NCALD: variants seen among roughly 807,000 people sequenced by gnomAD.
The protein encoded by NCALD is neurocalcin-delta.
Under a neutral mutation model 18.6 loss-of-function variants are expected in NCALD, and 10 were observed. The observed-to-expected ratio is 0.54, with a 90% CI of 0.33 to 0.91. The LOEUF (loss-of-function observed/expected upper bound fraction) is 0.91. NCALD is among the 40% of genes least tolerant of loss of function. NCALD has a pLI of 0.03. For missense variants in NCALD, 184 were observed against 247.6 expected (o/e 0.74, Z 1.72); for synonymous variants, 88 against 87.4 (o/e 1.01, Z -0.04).
intron 2 of NCALD, among the ~76,000 whole-genome samples, chr8:101,699,045 C>T (rs1448360309): frequency 6.7e-6 from 1 of 149,526 alleles, no homozygotes; most frequent in Admixed American, 6.7e-5. Context: ...GGTCTAATAT[C>T]CAGAATCTAC....
chr8:101,938,923 T>A (rs1356478598), intron 2 of NCALD, among the ~76,000 whole-genome samples: 2 of 152,254 alleles, frequency 1.3e-5, no homozygotes, highest in African/African-American at 2.4e-5. Context: ...CTCATGTGTA[T>A]TCATTCAAAG....
intron 2 of NCALD, among the ~76,000 whole-genome samples, chr8:102,013,004 A>G (rs1361155807): frequency 6.6e-6 from 1 of 152,058 alleles, no homozygotes; most frequent in Non-Finnish European, 1.5e-5. Context: ...CACACACACA[A>G]ATATATACCC....
At chr8:101,740,725 A>G (rs76308296) in intron 1 of NCALD, among the ~76,000 whole-genome samples, 5,152 of 152,298 alleles carry the variant, frequency 0.034, 188 homozygotes, top group African/African-American at 0.09. Context: ...AAAAAAACCA[A>G]CAAAGCCTCC....
intron 2 of NCALD, among the ~76,000 whole-genome samples, chr8:101,979,446 G>A (rs958124307): frequency 6.6e-6 from 1 of 152,152 alleles, no homozygotes; most frequent in African/African-American, 2.4e-5. Flanking sequence ...ATATGCATGA[G>A]AAATATCAGG....
intron 1 of NCALD, among the ~76,000 whole-genome samples, chr8:102,121,851 G>A (rs772731607): frequency 7.2e-5 from 11 of 152,214 alleles, no homozygotes; most frequent in Middle Eastern, 3.4e-3. Context: ...GTTTTTTATC[G>A]TAGAGTGTTA....
intron 4 of NCALD, among the ~76,000 whole-genome samples, chr8:101,828,510 G>T (rs1211049063): frequency 1.3e-5 from 2 of 151,272 alleles, no homozygotes; most frequent in Admixed American, 1.3e-4. Context: ...TCTCTCTGAT[G>T]ACTGAAGTTA....
intron 2 of NCALD, among the ~76,000 whole-genome samples, chr8:101,711,655 A>G (rs1586271542): frequency 1.3e-5 from 2 of 151,826 alleles, no homozygotes; most frequent in Non-Finnish European, 1.5e-5. Context: ...TCGATCAAGC[A>G]GAAGAAAGGG....
At chr8:101,932,028 A>G (rs1372505391) in intron 2 of NCALD, among the ~76,000 whole-genome samples, 1 of 152,146 alleles carries the variant, frequency 6.6e-6, no homozygotes, top group Non-Finnish European at 1.5e-5. Context: ...CCATTAGAGA[A>G]GGGATTCTTC....
At chr8:101,871,984 A>G (rs1458755903) in intron 4 of NCALD, 7 of 813,634 alleles carry the variant, frequency 8.6e-6, no homozygotes, top group Non-Finnish European at 1.5e-5. Flanking sequence ...ATCTCTGGTC[A>G]GGTTCATGCC....
At chr8:101,730,976 A>G (rs146628356) in intron 1 of NCALD, among the ~76,000 whole-genome samples, 18 of 152,324 alleles carry the variant, frequency 1.2e-4, no homozygotes, top group African/African-American at 4.3e-4. Context: ...TAAAGAAGAG[A>G]AGGGAGTTGC....
intron 4 of NCALD, among the ~76,000 whole-genome samples, chr8:101,820,040 G>C (rs1248931756): frequency 1.3e-5 from 2 of 152,182 alleles, no homozygotes; most frequent in African/African-American, 4.8e-5. Flanking sequence ...CTAGCCATAA[G>C]TATTCTAACT....
At chr8:101,836,362 C>G (rs1217557976) in intron 4 of NCALD, among the ~76,000 whole-genome samples, 1 of 152,170 alleles carries the variant, frequency 6.6e-6, no homozygotes, top group Non-Finnish European at 1.5e-5. Flanking sequence ...ACCCTAGACC[C>G]TTTTCCGCCT....
intron 4 of NCALD, among the ~76,000 whole-genome samples, chr8:101,884,072 G>A (rs1051261883): frequency 5.9e-5 from 9 of 152,052 alleles, no homozygotes; most frequent in South Asian, 2.1e-4. Context: ...TAGGATGCCC[G>A]CCTTGCTCTC....
chr8:101,772,513 C>T (rs977128270), intron 1 of NCALD, among the ~76,000 whole-genome samples: 8 of 152,206 alleles, frequency 5.3e-5, no homozygotes, highest in African/African-American at 1.9e-4. Flanking sequence ...CAACTCTCTA[C>T]CTGTTCTCTA....
At chr8:102,050,639 T>C (rs7008610) in intron 1 of NCALD, among the ~76,000 whole-genome samples, 47,834 of 147,762 alleles carry the variant, frequency 0.32, 8,051 homozygotes, top group African/African-American at 0.4. Context: ...ATATACTTTA[T>C]ATAGCATACA....
At chr8:102,018,376 G>A (rs1295817770) in intron 2 of NCALD, among the ~76,000 whole-genome samples, 1 of 152,142 alleles carries the variant, frequency 6.6e-6, no homozygotes, top group Non-Finnish European at 1.5e-5. Flanking sequence ...GGATAAACTT[G>A]TGGTATACCA....
intron 1 of NCALD, among the ~76,000 whole-genome samples, chr8:102,028,116 G>GA (rs1822527372): frequency 6.6e-6 from 1 of 152,222 alleles, no homozygotes; most frequent in African/African-American, 2.4e-5. Context: ...TGTTTACACA[G>GA]AAAAATGTCC....
Position 102,112,404 on chromosome 8 carries a change from G to C in NCALD, c.-210+11833C>G, listed in dbSNP as rs1825668783. ...GAAGGGATGTGCTTTTTCCAGCAGA[G>C]AACAACAGATTGCCTCCACATTCTT... On this transcript the variant is annotated intron_variant, in intron 1 of 6. Transcript: ENST00000311028. Among the ~76,000 whole-genome samples the C allele has an allele frequency of 2.6e-5, 4 of 152,038 alleles. No homozygotes were observed. The South Asian group carries it at 8.3e-4, about 32-fold the overall frequency.
chr8:102,008,962 A>ACACACG (rs946319461), intron 2 of NCALD, among the ~76,000 whole-genome samples: 7 of 132,720 alleles, frequency 5.3e-5, no homozygotes, highest in African/African-American at 1.6e-4. Flanking sequence ...ACACACACAC[A>ACACACG]CACACAAGCC....
Sources: gnomAD v4.1 joint callset for allele counts (sites outside exome capture counted in the v4.1 genomes callset) on GRCh38, gnomAD v4.1.1 for gene constraint, MANE v1.5 for transcripts, NCBI Gene and HGNC (gene_info 2026-07-23, HGNC 2026-07-21) for gene names.